The following UST variants were observed in gnomAD, a reference collection of about 807,000 sequenced individuals.
UST encodes uronyl 2-sulfotransferase.
Under a neutral mutation model 45.6 loss-of-function variants are expected in UST, and 21 were observed. The observed-to-expected ratio is 0.46, with a 90% CI of 0.33 to 0.66. The LOEUF (loss-of-function observed/expected upper bound fraction) is 0.66, where lower values mean the gene tolerates loss of function less well. Ranked by LOEUF, UST falls within the 30% of genes least tolerant of loss-of-function variation. The pLI, the probability that UST is intolerant of heterozygous loss-of-function variation, is 0.02. For synonymous variants in UST, 215 were observed against 200.6 expected, an observed-to-expected ratio of 1.07 and a Z score of -0.61; for missense variants, 463 against 512.4, an observed-to-expected ratio of 0.90 and a Z score of 0.93.
intron 5 of UST, among the ~76,000 whole-genome samples, chr6:148,966,904 T>C (rs1016536945): frequency 6.6e-6 from 1 of 152,104 alleles, no homozygotes; most frequent in Non-Finnish European, 1.5e-5. Flanking sequence ...GCCTGGTTAA[T>C]TTTTGTATTT....
In UST at chr6:148,748,728, A is replaced by G. The variant is rs1044054693; in HGVS notation, c.247+1051A>G. ...GCTGGGAGAGCTCCAGCTTCTTGCA[A>G]GCATCCGAAGTGATAAGCCTGAGCA... On this transcript the variant is annotated intron_variant, in intron 1 of 7. Transcript: ENST00000367463. The surrounding 1 kb of genome is among the most constrained non-coding windows in gnomAD (Gnocchi z 5.3). Among the ~76,000 whole-genome samples, 4 of 152,064 alleles carry G rather than the reference A, an allele frequency of 2.6e-5. No homozygotes were observed. Among genetic ancestry groups the G allele is most frequent in the African/African-American group, 4.8e-5 (2 of 41,378 alleles).
At chr6:149,043,903 G>A (rs1776361995) in intron 7 of UST, among the ~76,000 whole-genome samples, 1 of 152,224 alleles carries the variant, frequency 6.6e-6, no homozygotes, top group African/African-American at 2.4e-5. Flanking sequence ...CTCAGAATCA[G>A]TCCCAGTGGC....
intron 7 of UST, among the ~76,000 whole-genome samples, chr6:149,058,863 G>T (rs192497844): frequency 2.1e-4 from 32 of 152,048 alleles, no homozygotes; most frequent in Admixed American, 1.9e-3. Flanking sequence ...TATATAAGCC[G>T]GTATTTTAGT....
chr6:149,066,930 TTAAAAA>T (rs1159624999), intron 7 of UST, among the ~76,000 whole-genome samples: 1 of 151,996 alleles, frequency 6.6e-6, no homozygotes, highest in Non-Finnish European at 1.5e-5. Flanking sequence ...ACCCTACCTC[TTAAAAA>T]TAAAATGCTA....
At chr6:149,026,554 C>T (rs1296957425) in intron 7 of UST, among the ~76,000 whole-genome samples, 3 of 151,944 alleles carry the variant, frequency 2.0e-5, no homozygotes, top group Non-Finnish European at 2.9e-5. Context: ...GTGGTAAGGG[C>T]CAAAATAAAT....
chr6:148,922,625 A>C (rs1279184398), intron 2 of UST, among the ~76,000 whole-genome samples: 4 of 123,234 alleles, frequency 3.2e-5, no homozygotes, highest in African/African-American at 1.4e-4. Context: ...AGTACCTAGG[A>C]GTACCTAGGT....
chr6:148,823,949 T>G (rs17088208), intron 1 of UST, among the ~76,000 whole-genome samples: 2,064 of 152,270 alleles, frequency 0.014, 43 homozygotes, highest in African/African-American at 0.046. Flanking sequence ...GAATCCATGT[T>G]AGGTTTAAAG....
chr6:148,797,083 G>A (rs9386236), intron 1 of UST, among the ~76,000 whole-genome samples: 34,522 of 151,886 alleles, frequency 0.23, 4,487 homozygotes, highest in East Asian at 0.6. Flanking sequence ...ATGAGCCACC[G>A]CGCCCAACCT....
At chr6:148,854,649 A>G (rs1778168216) in intron 1 of UST, among the ~76,000 whole-genome samples, 1 of 152,066 alleles carries the variant, frequency 6.6e-6, no homozygotes, top group Non-Finnish European at 1.5e-5. Flanking sequence ...GAATAAAAAT[A>G]TCAGGTGGGG....
intron 2 of UST, among the ~76,000 whole-genome samples, chr6:148,904,855 C>T (rs1779326592): frequency 1.3e-5 from 2 of 152,272 alleles, no homozygotes; most frequent in Middle Eastern, 3.4e-3. Context: ...CCAAAGCATT[C>T]ACTGGGTGCT....
chr6:148,968,725 T>G (rs1226559749), intron 5 of UST, among the ~76,000 whole-genome samples: 1 of 152,236 alleles, frequency 6.6e-6, no homozygotes, highest in Non-Finnish European at 1.5e-5. Context: ...GTCTTGGAGC[T>G]TCCATGAAAG....
chr6:148,837,116 G>A (rs904641400), intron 1 of UST, among the ~76,000 whole-genome samples: 4 of 152,132 alleles, frequency 2.6e-5, no homozygotes, highest in Non-Finnish European at 5.9e-5. Context: ...TATATATACT[G>A]TGATGTGTGT....
chr6:148,760,535 C>A (rs1400453171), intron 1 of UST, among the ~76,000 whole-genome samples: 1 of 152,062 alleles, frequency 6.6e-6, no homozygotes, highest in Non-Finnish European at 1.5e-5. Context: ...ACTAAAATGA[C>A]TATTATGTCT....
chr6:148,848,633 T>TGCACTC (rs911647477), intron 1 of UST, among the ~76,000 whole-genome samples: 10 of 148,134 alleles, frequency 6.8e-5, no homozygotes. Flanking sequence ...ATCGCACCAC[T>TGCACTC]GCACTCCAGC....
At chr6:148,898,072 C>T (rs1316519997) in intron 2 of UST, among the ~76,000 whole-genome samples, 1 of 151,620 alleles carries the variant, frequency 6.6e-6, no homozygotes, top group Non-Finnish European at 1.5e-5. Flanking sequence ...GAATCAATTG[C>T]ACTGGGTAAT....
At chr6:149,062,737 C>T (rs1776671629) in intron 7 of UST, among the ~76,000 whole-genome samples, 2 of 152,248 alleles carry the variant, frequency 1.3e-5, no homozygotes, top group South Asian at 4.1e-4. Context: ...AGAAAGCCCA[C>T]TTTCCAGTGC....
chr6:148,991,259 C>T (rs948787344), intron 5 of UST, among the ~76,000 whole-genome samples: 1 of 152,152 alleles, frequency 6.6e-6, no homozygotes, highest in Non-Finnish European at 1.5e-5. Flanking sequence ...GTTTTACCAA[C>T]TTAAAGTTTG....
intron 1 of UST, among the ~76,000 whole-genome samples, chr6:148,813,332 C>T: frequency 6.6e-6 from 1 of 152,068 alleles, no homozygotes. Context: ...TTAGGCCATA[C>T]TGCCCCCAAC....
intron 2 of UST, among the ~76,000 whole-genome samples, chr6:148,894,874 G>A (rs1391232270): frequency 7.2e-6 from 1 of 138,844 alleles, no homozygotes; most frequent in East Asian, 2.2e-4. Context: ...CTGGAGTGTA[G>A]TGGCGCGATC....
Sources: gnomAD v4.1 joint callset for allele counts (sites outside exome capture counted in the v4.1 genomes callset) on GRCh38, gnomAD v4.1.1 for gene constraint, Gnocchi (gnomAD v3.1) non-coding constraint, MANE v1.5 for transcripts, NCBI Gene and HGNC (gene_info 2026-07-23, HGNC 2026-07-21) for gene names.